FRMPD4: variants seen among roughly 807,000 people sequenced by gnomAD.
The protein encoded by FRMPD4 is FERM and PDZ domain containing 4, also known as FERM and PDZ domain-containing protein 4.
Under a neutral mutation model 94.1 loss-of-function variants are expected in FRMPD4, and 22 were observed. The observed-to-expected ratio is 0.23, with a 90% CI of 0.17 to 0.33. The LOEUF (loss-of-function observed/expected upper bound fraction) is 0.33. Among genes scored for constraint, FRMPD4 ranks in the 10% least tolerant of loss-of-function variants. FRMPD4 has a pLI of 1.00. For synonymous variants in FRMPD4, 631 were observed against 548.6 expected, an observed-to-expected ratio of 1.15 and a Z score of -2.10; for missense variants, 1,111 against 1,339.9, an observed-to-expected ratio of 0.83 and a Z score of 2.67.
At chrX:12,086,019 T>C (rs1205416766) in intron 3 of FRMPD4, among the ~76,000 whole-genome samples, 1 of 112,160 alleles carries the variant, frequency 8.9e-6, no homozygotes, top group African/African-American at 3.2e-5. Context: ...CTACCATTTA[T>C]AGACAGCATT....
chrX:11,824,100 G>T (rs1410006642), intron 1 of FRMPD4, among the ~76,000 whole-genome samples: 4 of 111,401 alleles, frequency 3.6e-5, no homozygotes, highest in Non-Finnish European at 7.5e-5. Flanking sequence ...CTATTCTTTC[G>T]TCTTAATCAT....
intron 1 of FRMPD4, among the ~76,000 whole-genome samples, chrX:12,408,734 G>A (rs896934830): frequency 3.6e-5 from 4 of 111,467 alleles, no homozygotes; most frequent in African/African-American, 1.3e-4. Flanking sequence ...GGCCAAAATA[G>A]GAAATTATTA....
At chrX:11,925,150 A>C (rs1165104929) in intron 3 of FRMPD4, among the ~76,000 whole-genome samples, 26 of 110,858 alleles carry the variant, frequency 2.3e-4, no homozygotes, top group Middle Eastern at 4.3e-3. Flanking sequence ...AAAAAAAAAA[A>C]AAACATGAAG....
chrX:12,241,950 GGGA>G (rs57148678), intron 1 of FRMPD4, among the ~76,000 whole-genome samples: 21 of 100,863 alleles, frequency 2.1e-4, no homozygotes, highest in African/African-American at 3.6e-4. Flanking sequence ...GAAGGGGAAG[GGGA>G]GGAGGAGGAG....
chrX:12,586,984 T>G (rs1200806649), intron 2 of FRMPD4, among the ~76,000 whole-genome samples: 3 of 62,163 alleles, frequency 4.8e-5, no homozygotes, highest in Admixed American at 3.7e-4. Flanking sequence ...GCTTTTTTTG[T>G]TTTTTTTTTT....
chrX:12,572,891 T>C (rs1040819842), intron 2 of FRMPD4, among the ~76,000 whole-genome samples: 9 of 111,229 alleles, frequency 8.1e-5, no homozygotes, highest in Admixed American at 1.9e-4. Context: ...GAGGAAGAAA[T>C]GTGTGGTGAA....
intron 1 of FRMPD4, among the ~76,000 whole-genome samples, chrX:12,388,818 GATAT>G (rs3068660): frequency 0.098 from 5,918 of 60,539 alleles, 247 homozygotes; most frequent in Middle Eastern, 0.13. Context: ...AAGAAAATGT[GATAT>G]ATATATATAT....
chrX:12,717,647 G>A lies in FRMPD4; in HGVS notation c.2821G>A (p.Glu941Lys), dbSNP rs2042117563. Residue 941 changes from glutamate (E) to lysine (K), a missense_variant, in exon 16 of 17, where the codon GAA becomes AAA. By Grantham distance (56) the Glu-to-Lys change is moderately conservative. Transcript: ENST00000675598. ...NLSRMFLATH[E>K]GYHPLAEEQT... is the part of the protein sequence containing the mutation. Reference sequence around the variant, plus strand: ...CTCCCGCATGTTCTTGGCCACTCACGAAGGCTACCACCCCCTTGCAGAAGA... The same window carrying A: ...CTCCCGCATGTTCTTGGCCACTCACAAAGGCTACCACCCCCTTGCAGAAGA... The A allele has an allele frequency of 8.3e-6, 10 of 1,211,198 alleles. No homozygotes were observed. The highest frequency in any genetic ancestry group is 4.3e-5 in the Admixed American group (2 of 46,086).
At chrX:12,614,915 T>TGTGCAGCAGCC in intron 4 of FRMPD4, 34 bp downstream of exon 4, 1 of 827,872 alleles carries the variant, frequency 1.2e-6, no homozygotes, top group Non-Finnish European at 1.8e-6. Context: ...CCTGTTCTGC[T>TGTGCAGCAGCC]TTGAAGGCTG....
chrX:12,112,048 C>T (rs1238312278), intron 3 of FRMPD4, among the ~76,000 whole-genome samples: 15 of 111,540 alleles, frequency 1.3e-4, no homozygotes, highest in Non-Finnish European at 2.3e-4. Context: ...ACCATTTGAC[C>T]CAGCCATCCC....
chrX:12,504,978 G>A (rs1368612538), intron 2 of FRMPD4, among the ~76,000 whole-genome samples: 1 of 111,945 alleles, frequency 8.9e-6, no homozygotes. Context: ...GTTGGGGCAT[G>A]TACATTCAAG....
chrX:11,949,802 C>T (rs750759221), intron 3 of FRMPD4, among the ~76,000 whole-genome samples: 4 of 110,901 alleles, frequency 3.6e-5, no homozygotes, highest in African/African-American at 9.9e-5. Context: ...GTGAGTTGCC[C>T]GATGGTTGAG....
At chrX:12,552,115 A>G (rs143528691) in intron 2 of FRMPD4, among the ~76,000 whole-genome samples, 2,554 of 111,544 alleles carry the variant, frequency 0.023, 29 homozygotes, top group Non-Finnish European at 0.03. Flanking sequence ...TTCCAGGATC[A>G]TTTGTGCATT....
chrX:12,318,640 T>G (rs1375826356), intron 1 of FRMPD4, among the ~76,000 whole-genome samples: 1 of 111,882 alleles, frequency 8.9e-6, no homozygotes, highest in Admixed American at 9.5e-5. Flanking sequence ...GAGATGGAGA[T>G]GAAGACGAGT....
At chrX:12,430,020 C>A (rs1463327268) in intron 1 of FRMPD4, among the ~76,000 whole-genome samples, 6 of 111,978 alleles carry the variant, frequency 5.4e-5, no homozygotes, top group African/African-American at 1.6e-4. Context: ...TTTCTGGCCT[C>A]TGGAACTGTG....
intron 3 of FRMPD4, among the ~76,000 whole-genome samples, chrX:11,912,346 T>C (rs5935185): frequency 0.3 from 34,062 of 111,765 alleles, 4,297 homozygotes; most frequent in East Asian, 0.69. Flanking sequence ...GGGGAACATT[T>C]ACTGGAAAGG....
At chrX:11,861,530 T>C (rs1390408018) in intron 1 of FRMPD4, among the ~76,000 whole-genome samples, 1 of 111,966 alleles carries the variant, frequency 8.9e-6, no homozygotes, top group African/African-American at 3.2e-5. Context: ...AGGTCAGAAT[T>C]TGTCTTTCAC....
intron 1 of FRMPD4, among the ~76,000 whole-genome samples, chrX:11,845,518 A>T (rs1379353441): frequency 1.8e-5 from 2 of 109,124 alleles, no homozygotes; most frequent in African/African-American, 6.7e-5. Context: ...AATCCTCCCT[A>T]ACTCATTTTA....
chrX:12,645,061 A>G (rs1237988903), intron 4 of FRMPD4, among the ~76,000 whole-genome samples: 1 of 111,579 alleles, frequency 9.0e-6, no homozygotes, highest in Admixed American at 9.5e-5. Context: ...TGGGCAGAGA[A>G]AAATGAATTT....
Sources: allele counts gnomAD v4.1 joint callset (sites outside exome capture counted in the v4.1 genomes callset), GRCh38; gene constraint gnomAD v4.1.1; transcripts MANE v1.5; gene names NCBI Gene and HGNC (gene_info 2026-07-23, HGNC 2026-07-21).